The following STEAP1B variants were observed in gnomAD, a reference collection of about 807,000 sequenced individuals.
The protein encoded by STEAP1B is STEAP family member 1B.
STEAP1B carries 13 observed loss-of-function variants against 27.9 expected under a neutral mutation model. The ratio of observed to expected loss-of-function variants is 0.47; its 90% confidence interval spans 0.30 to 0.74. The LOEUF (loss-of-function observed/expected upper bound fraction) is 0.74. STEAP1B is among the 30% of genes least tolerant of loss of function. STEAP1B has a pLI of 0.06. For synonymous variants in STEAP1B, 86 were observed against 107.1 expected, an observed-to-expected ratio of 0.80 and a Z score of 1.22; for missense variants, 250 against 298.7, an observed-to-expected ratio of 0.84 and a Z score of 1.20.
At chr7:22,429,485 C>G (rs139976489) in intron 4 of STEAP1B, among the ~76,000 whole-genome samples, 289 of 152,204 alleles carry the variant, frequency 1.9e-3, no homozygotes, top group Middle Eastern at 0.01. Flanking sequence ...CAGTAGATGT[C>G]TGAAGAGTGG....
In STEAP1B at chr7:22,464,948, CAT is replaced by C. The variant is rs75308240; in HGVS notation, c.762+27615_762+27616del. 1.6e-3 allele frequency among the ~76,000 whole-genome samples: 70 copies of C among 45,036 alleles called. 16 individuals are homozygous for C. The highest frequency in any genetic ancestry group is 1.0e-2 in the South Asian group (14 of 1,406). 29.5% of individuals were successfully genotyped at this position (45,036 alleles called of 152,430 possible). A position where few individuals can be genotyped will look rare whatever the true frequency, so the allele number is the denominator to read the frequency against. ...CGAAACCACAGACAGTACCAAACCC[CAT>C]ATATATATATATATGTAGGCACAAT... On this transcript the variant is annotated intron_variant, in intron 4 of 4. Coordinates refer to ENST00000678116, the MANE Select transcript of STEAP1B (RefSeq NM_001382447.1).
At chr7:22,443,471 A>G (rs1211496943) in intron 4 of STEAP1B, among the ~76,000 whole-genome samples, 5 of 152,366 alleles carry the variant, frequency 3.3e-5, no homozygotes, top group African/African-American at 1.2e-4. Flanking sequence ...AGCAACTTGT[A>G]AAATGAAAGA....
At chr7:22,463,967 A>G (rs1223336746) in intron 4 of STEAP1B, among the ~76,000 whole-genome samples, 1 of 151,948 alleles carries the variant, frequency 6.6e-6, no homozygotes, top group East Asian at 1.9e-4. Context: ...GGATCTAATT[A>G]AACTAAAGAG....
chr7:22,492,381 A>AACACTTG, intron 4 of STEAP1B, 184 bp downstream of exon 4: 1 of 559,820 alleles, frequency 1.8e-6, no homozygotes, highest in Non-Finnish European at 2.6e-6. Flanking sequence ...ATGTCTAGGA[A>AACACTTG]ACACTTGTCC....
intron 4 of STEAP1B, among the ~76,000 whole-genome samples, chr7:22,445,132 T>A (rs752982504): frequency 5.3e-5 from 8 of 152,190 alleles, no homozygotes; most frequent in Admixed American, 2.0e-4. Context: ...AGGGTTGGCA[T>A]TGGGAACAGG....
chr7:22,496,702 C>T (rs1219199155), intron 1 of STEAP1B, among the ~76,000 whole-genome samples: 1 of 152,150 alleles, frequency 6.6e-6, no homozygotes, highest in African/African-American at 2.4e-5. Flanking sequence ...ACCATCTAGC[C>T]TAAGTATGTA....
intron 4 of STEAP1B, among the ~76,000 whole-genome samples, chr7:22,435,301 T>C (rs1466071389): frequency 6.6e-6 from 1 of 151,876 alleles, no homozygotes; most frequent in Non-Finnish European, 1.5e-5. Context: ...GTGGAAAGTG[T>C]AACCATAAGG....
At position 22,419,527 on chromosome 7, in the gene STEAP1B, C is replaced by T. The variant is rs1297930601; in HGVS notation, c.*277G>A. ...ACATTTGATTATCATGTCTGATCCT[C>T]GTGTCGGGATAGGCTAGGTTAGGCT... On this transcript the variant is annotated 3_prime_UTR_variant, in exon 5 of 5. Coordinates refer to ENST00000678116, the MANE Select transcript of STEAP1B (RefSeq NM_001382447.1). The T allele has an allele frequency of 7.2e-6, 2 of 277,784 alleles. No individual in the cohort carries two copies. Among genetic ancestry groups the T allele is most frequent in the African/African-American group, 2.2e-5 (1 of 45,698 alleles). 17.2% of individuals were successfully genotyped at this position (277,784 alleles called of 1,614,324 possible).
intron 1 of STEAP1B, among the ~76,000 whole-genome samples, chr7:22,499,873 T>C (rs769925857): frequency 6.6e-6 from 1 of 152,242 alleles, no homozygotes; most frequent in Non-Finnish European, 1.5e-5. Context: ...TCTGAGTCCC[T>C]GGCTCCCCCC....
chr7:22,494,640 A>G, intron 2 of STEAP1B, 132 bp downstream of exon 2: 2 of 598,080 alleles, frequency 3.3e-6, no homozygotes, highest in Non-Finnish European at 5.6e-6. Context: ...TATCAGTGAC[A>G]GTAATCCAAG....
At chr7:22,476,448 A>T (rs1029209767) in intron 4 of STEAP1B, among the ~76,000 whole-genome samples, 1 of 152,210 alleles carries the variant, frequency 6.6e-6, no homozygotes, top group Non-Finnish European at 1.5e-5. Flanking sequence ...TGCAAGAGGC[A>T]CGCAGTTTAT....
chr7:22,432,872 A>G (rs1785206156), intron 4 of STEAP1B, among the ~76,000 whole-genome samples: 1 of 152,184 alleles, frequency 6.6e-6, no homozygotes, highest in Admixed American at 6.5e-5. Context: ...AAGCACACAC[A>G]TGTACAATAG....
intron 4 of STEAP1B, among the ~76,000 whole-genome samples, chr7:22,427,427 G>A (rs1462445869): frequency 6.6e-6 from 1 of 152,148 alleles, no homozygotes; most frequent in African/African-American, 2.4e-5. Flanking sequence ...GGTGACTTCA[G>A]GATCATGGCC....
chr7:22,463,652 C>T (rs1445981425), intron 4 of STEAP1B, among the ~76,000 whole-genome samples: 1 of 152,114 alleles, frequency 6.6e-6, no homozygotes, highest in Non-Finnish European at 1.5e-5. Flanking sequence ...AATAACGCCG[C>T]GTATCTACAA....
At chr7:22,425,003 G>T (rs1785089036) in intron 4 of STEAP1B, among the ~76,000 whole-genome samples, 1 of 151,980 alleles carries the variant, frequency 6.6e-6, no homozygotes, top group Admixed American at 6.6e-5. Context: ...ACCACCTCTG[G>T]GTAGGTGAGA....
chr7:22,434,269 G>C (rs1018453800), intron 4 of STEAP1B, among the ~76,000 whole-genome samples: 1 of 152,140 alleles, frequency 6.6e-6, no homozygotes. Context: ...CCTTGGGAAG[G>C]ATAGGACACC....
chr7:22,435,474 T>C (rs560947335), intron 4 of STEAP1B, among the ~76,000 whole-genome samples: 9 of 152,260 alleles, frequency 5.9e-5, no homozygotes, highest in Non-Finnish European at 1.2e-4. Flanking sequence ...AAGTAGAATC[T>C]AATCCAAAAG....
intron 4 of STEAP1B, chr7:22,438,634 G>C (rs1785285394): frequency 6.4e-7 from 1 of 1,551,980 alleles, no homozygotes; most frequent in Admixed American, 2.0e-5. Context: ...CTTGGAAGGT[G>C]GTGGGAAATG....
intron 4 of STEAP1B, among the ~76,000 whole-genome samples, chr7:22,464,536 G>A (rs752084988): frequency 4.3e-4 from 65 of 152,196 alleles, no homozygotes; most frequent in Admixed American, 8.5e-4. Context: ...CCAGTACCTC[G>A]GAAAGTGACC....
Sources: gnomAD v4.1 joint callset for allele counts (sites outside exome capture counted in the v4.1 genomes callset) on GRCh38, gnomAD v4.1.1 for gene constraint, MANE v1.5 for transcripts, NCBI Gene and HGNC (gene_info 2026-07-23, HGNC 2026-07-21) for gene names.